Variants in RNF138 observed in about 807,000 individuals in gnomAD.
RNF138 encodes the protein E3 ubiquitin-protein ligase RNF138.
RNF138 carries 12 observed loss-of-function variants against 31.0 expected under a neutral mutation model. That is an observed-to-expected ratio of 0.39 (90% confidence interval 0.25 to 0.63). The LOEUF is 0.63. Among genes scored for constraint, RNF138 ranks in the 20% least tolerant of loss-of-function variants. The pLI is 0.52. For missense variants in RNF138, 192 were observed against 300.1 expected, an observed-to-expected ratio of 0.64 and a Z score of 2.66; for synonymous variants, 105 against 99.5, an observed-to-expected ratio of 1.06 and a Z score of -0.33.
At chr18:32,121,544 G>A (rs2040306204) in intron 4 of RNF138, among the ~76,000 whole-genome samples, 1 of 152,116 alleles carries the variant, frequency 6.6e-6, no homozygotes, top group Non-Finnish European at 1.5e-5. Context: ...AAAAAGGACT[G>A]TTGCTGAAAT....
intron 4 of RNF138, among the ~76,000 whole-genome samples, chr18:32,122,225 T>G (rs750837382): frequency 1.1e-4 from 17 of 152,290 alleles, no homozygotes; most frequent in Non-Finnish European, 2.2e-4. Context: ...TGTGGAGAGA[T>G]AACATTGTTA....
chr18:32,128,875 A>T (rs896864356), intron 7 of RNF138, among the ~76,000 whole-genome samples: 1 of 150,784 alleles, frequency 6.6e-6, no homozygotes, highest in Non-Finnish European at 1.5e-5. Context: ...TTGTTCTGTG[A>T]TGATCCTCTC....
intron 4 of RNF138, among the ~76,000 whole-genome samples, chr18:32,114,736 A>G (rs1156228497): frequency 6.6e-6 from 1 of 152,260 alleles, no homozygotes; most frequent in African/African-American, 2.4e-5. Context: ...CCCAGGAGAC[A>G]GTATGTTAAG....
At chr18:32,122,203 G>A (rs965160720) in intron 4 of RNF138, among the ~76,000 whole-genome samples, 4 of 152,026 alleles carry the variant, frequency 2.6e-5, no homozygotes, top group African/African-American at 4.8e-5. Flanking sequence ...CTGCTTGCTC[G>A]CTTGGGCTAT....
In RNF138 at chr18:32,129,899, A is replaced by C. The variant is rs2144307907; in HGVS notation, c.*712A>C. The C allele has an allele frequency of 6.6e-6, 1 of 152,376 alleles. No individual in the cohort carries two copies. The highest frequency in any genetic ancestry group is 6.5e-5 in the Admixed American group (1 of 15,282). The allele number at this position is 152,376 out of a possible 1,614,324, so 9.4% of individuals were successfully genotyped here. On this transcript the variant is annotated 3_prime_UTR_variant, in exon 8 of 8. Coordinates refer to ENST00000261593, the MANE Select transcript of RNF138 (RefSeq NM_016271.5). Reference sequence around the variant, plus strand: ...TCTTTGACTGATTTGTAAGCCTAGAATATACTAAGCTGAATAACAGCTCTT... The same window carrying C: ...TCTTTGACTGATTTGTAAGCCTAGACTATACTAAGCTGAATAACAGCTCTT...
chr18:32,129,084 GT>G, intron 7 of RNF138, 34 bp from the exon 8 acceptor site: 2 of 1,446,922 alleles, frequency 1.4e-6, no homozygotes, highest in Non-Finnish European at 1.9e-6. Context: ...AGTTGAATAT[GT>G]TTTTCCTGTT....
intron 4 of RNF138, among the ~76,000 whole-genome samples, chr18:32,120,731 G>A (rs114930746): frequency 4.9e-4 from 74 of 152,288 alleles, no homozygotes; most frequent in African/African-American, 1.7e-3. Flanking sequence ...AAGGGAGAAC[G>A]TGTTTAAAAA....
chr18:32,112,301 A>G (rs1488645336), intron 3 of RNF138, among the ~76,000 whole-genome samples: 1 of 152,220 alleles, frequency 6.6e-6, no homozygotes, highest in Non-Finnish European at 1.5e-5. Context: ...CTTTACACAT[A>G]GAAATGTTAC....
intron 2 of RNF138, among the ~76,000 whole-genome samples, chr18:32,106,628 G>A (rs1026010297): frequency 2.0e-5 from 3 of 151,704 alleles, no homozygotes; most frequent in Non-Finnish European, 4.4e-5. Context: ...GCAGTTGTGC[G>A]ATCTCGGTTC....
At chr18:32,099,053 C>T (rs1385644472) in intron 2 of RNF138, among the ~76,000 whole-genome samples, 1 of 151,846 alleles carries the variant, frequency 6.6e-6, no homozygotes, top group South Asian at 2.1e-4. Flanking sequence ...TGTTTTTCCT[C>T]TCCCAGTGTT....
chr18:32,117,953 C>T (rs771521624), intron 4 of RNF138, among the ~76,000 whole-genome samples: 111 of 152,158 alleles, frequency 7.3e-4, no homozygotes, highest in Non-Finnish European at 1.4e-3. Flanking sequence ...GAAGACATTT[C>T]AATTTTATCC....
In RNF138 at chr18:32,131,171, T is replaced by TA. The variant is rs1216862147; in HGVS notation, c.*1987dup. 6.6e-6 allele frequency: 1 copy of TA among 152,360 alleles called. No individual in the cohort carries two copies. Among genetic ancestry groups the TA allele is most frequent in the Non-Finnish European group, 1.5e-5 (1 of 67,958 alleles). The allele number at this position is 152,360 out of a possible 1,614,324, so 9.4% of individuals were successfully genotyped here. On this transcript the variant is annotated 3_prime_UTR_variant, in exon 8 of 8. Coordinates refer to ENST00000261593, the MANE Select transcript of RNF138 (RefSeq NM_016271.5). ...AGGTCATCTTGATGGAATTGTGTTT[T>TA]AAAGTTTTGTGAATGAGTTAAATAT...
intron 2 of RNF138, among the ~76,000 whole-genome samples, chr18:32,108,430 C>G (rs566186202): frequency 7.9e-5 from 12 of 152,164 alleles, no homozygotes; most frequent in African/African-American, 2.6e-4. Context: ...AGTTTGTACT[C>G]TTTTATATCT....
At chr18:32,109,193 G>T (rs148520426) in intron 2 of RNF138, among the ~76,000 whole-genome samples, 4,327 of 144,188 alleles carry the variant, frequency 0.03, 218 homozygotes, top group African/African-American at 0.1. Flanking sequence ...TCACTCTGTT[G>T]CTCAGGCTGA....
chr18:32,122,564 C>G (rs1022625078), intron 4 of RNF138: 1 of 152,194 alleles, frequency 6.6e-6, no homozygotes, highest in Non-Finnish European at 1.5e-5. Context: ...TGGCTCACAC[C>G]TGTAATCGCA....
chr18:32,104,595 A>G lies in RNF138; in HGVS notation c.111-7159A>G, dbSNP rs996751620. On this transcript the variant is annotated intron_variant, in intron 2 of 7. Transcript: ENST00000261593. Reference sequence around the variant, plus strand: ...ACAGGGAGGTTTGATGCAAGAACAGACAAAAATCAACAACATATCTTTATA... The same window carrying G: ...ACAGGGAGGTTTGATGCAAGAACAGGCAAAAATCAACAACATATCTTTATA... Among the ~76,000 whole-genome samples, 7 of 152,238 alleles carry G rather than the reference A, an allele frequency of 4.6e-5. No homozygotes were observed. In the East Asian group the frequency reaches 1.3e-3, roughly 29 times the overall value.
intron 2 of RNF138, among the ~76,000 whole-genome samples, chr18:32,106,581 T>C (rs1187366465): frequency 6.6e-6 from 1 of 152,036 alleles, no homozygotes; most frequent in Non-Finnish European, 1.5e-5. Context: ...TATTTGTTTA[T>C]TGAGATGGAG....
intron 2 of RNF138, among the ~76,000 whole-genome samples, chr18:32,105,889 A>C (rs1430059124): frequency 6.6e-6 from 1 of 152,236 alleles, no homozygotes; most frequent in African/African-American, 2.4e-5. Context: ...GTTTTGGTCC[A>C]TCAACAAATG....
At position 32,113,838 on chromosome 18, in the gene RNF138, T is replaced by C; in HGVS notation, c.370T>C (p.Ser124Pro). Residue 124 changes from serine (S) to proline (P), a missense_variant, in exon 4 of 8, where the codon TCT becomes CCT. Ser to Pro is a moderately conservative substitution (Grantham distance 74). This residue lies in a region of RNF138 where 140 missense variants were observed against 251.7 expected (regional missense o/e 0.56). Coordinates refer to ENST00000261593, the MANE Select transcript of RNF138 (RefSeq NM_016271.5). ...TTCTATCATTCCAAACTTTCAGATC[T>C]CTCAAGATTCAGTAGGGAACAGGTA... ...VSSIIPNFQI[S>P]QDSVGNSNRS... 2 of 1,522,888 alleles carry C rather than the reference T, an allele frequency of 1.3e-6. No homozygotes were observed. Among genetic ancestry groups the C allele is most frequent in the Non-Finnish European group, 1.8e-6 (2 of 1,121,466 alleles). 94.3% of individuals were successfully genotyped at this position (1,522,888 alleles called of 1,614,324 possible). A position where few individuals can be genotyped will look rare whatever the true frequency, so the allele number is the denominator to read the frequency against.
Sources: allele counts gnomAD v4.1 joint callset (sites outside exome capture counted in the v4.1 genomes callset), GRCh38; gene constraint gnomAD v4.1.1; regional missense constraint gnomAD v4.1.1; transcripts MANE v1.5; gene names NCBI Gene and HGNC (gene_info 2026-07-23, HGNC 2026-07-21).